Variants in ESR1 observed in about 807,000 individuals in gnomAD.
ESR1 encodes the protein estrogen receptor 1.
A neutral mutation model predicts 52.7 loss-of-function variants in ESR1; 12 were observed. That is an observed-to-expected ratio of 0.23 (90% confidence interval 0.15 to 0.37). ESR1 has a LOEUF of 0.37. ESR1 is among the 10% of genes least tolerant of loss of function. The pLI is 1.00. For missense variants in ESR1, 584 were observed against 779.7 expected (o/e 0.75, Z 2.99); for synonymous variants, 305 against 316.8 (o/e 0.96, Z 0.39).
intron 1 of ESR1, among the ~76,000 whole-genome samples, chr6:151,663,995 G>A (rs1413725372): frequency 8.5e-5 from 13 of 152,094 alleles, no homozygotes; most frequent in Admixed American, 5.9e-4. Context: ...GTTTAAAGAT[G>A]TTCTTTCTAT....
intron 3 of ESR1, among the ~76,000 whole-genome samples, chr6:151,933,467 C>T (rs2033957190): frequency 6.7e-6 from 1 of 149,820 alleles, no homozygotes; most frequent in South Asian, 2.2e-4. Flanking sequence ...GCCTAATTGC[C>T]CTGGCCAGAA....
At chr6:152,049,124 T>G (rs1017283490) in intron 5 of ESR1, among the ~76,000 whole-genome samples, 1 of 152,238 alleles carries the variant, frequency 6.6e-6, no homozygotes, top group Non-Finnish European at 1.5e-5. Context: ...TTAAACTATG[T>G]AAACTGAACA....
At chr6:151,900,528 G>T (rs750119404) in intron 3 of ESR1, among the ~76,000 whole-genome samples, 1 of 152,124 alleles carries the variant, frequency 6.6e-6, no homozygotes, top group African/African-American at 2.4e-5. Context: ...TTGTTTTGTC[G>T]TATTACTGGG....
At chr6:151,771,699 A>T (rs1360925725) in intron 2 of ESR1, among the ~76,000 whole-genome samples, 1 of 152,228 alleles carries the variant, frequency 6.6e-6, no homozygotes, top group Non-Finnish European at 1.5e-5. Flanking sequence ...GATATTTGCT[A>T]AATTATGAAC....
intron 1 of ESR1, chr6:151,809,371 T>C (rs1412702895): frequency 7.3e-6 from 2 of 274,544 alleles, no homozygotes; most frequent in Admixed American, 4.9e-5. Flanking sequence ...CTTTTGTTTT[T>C]TGTTTTTTGT....
intron 1 of ESR1, among the ~76,000 whole-genome samples, chr6:151,825,694 C>T (rs1179404836): frequency 1.3e-5 from 2 of 152,044 alleles, no homozygotes; most frequent in East Asian, 3.9e-4. Flanking sequence ...GGTGGACCAC[C>T]TGAGGTCAGG....
chr6:151,722,525 A>G (rs1467050619), intron 2 of ESR1, among the ~76,000 whole-genome samples: 2 of 152,214 alleles, frequency 1.3e-5, no homozygotes, highest in Non-Finnish European at 2.9e-5. Context: ...TTGGCGTGAA[A>G]GAGGAAGCAA....
intron 3 of ESR1, among the ~76,000 whole-genome samples, chr6:151,929,587 C>T (rs2033279109): frequency 6.6e-6 from 1 of 151,908 alleles, no homozygotes; most frequent in Non-Finnish European, 1.5e-5. Flanking sequence ...AACAAAACTG[C>T]ACATTCTGCA....
At chr6:151,989,106 G>A (rs2040781120) in intron 4 of ESR1, among the ~76,000 whole-genome samples, 1 of 152,126 alleles carries the variant, frequency 6.6e-6, no homozygotes, top group Non-Finnish European at 1.5e-5. Context: ...AGTCTATGTA[G>A]AGAGAGTTAT....
chr6:151,917,859 A>T (rs192264812), intron 3 of ESR1, among the ~76,000 whole-genome samples: 1 of 152,366 alleles, frequency 6.6e-6, no homozygotes, highest in Admixed American at 6.5e-5. Context: ...AGTAAATGAT[A>T]ATTTGCCAAT....
intron 2 of ESR1, among the ~76,000 whole-genome samples, chr6:151,783,564 T>C (rs1307488463): frequency 1.3e-5 from 2 of 152,370 alleles, no homozygotes; most frequent in African/African-American, 4.8e-5. Flanking sequence ...ACATAAAAGA[T>C]ATGTGTATTA....
At chr6:151,678,212 C>G (rs1217013672) in intron 1 of ESR1, among the ~76,000 whole-genome samples, 3 of 152,150 alleles carry the variant, frequency 2.0e-5, no homozygotes, top group Non-Finnish European at 4.4e-5. Context: ...GTGGCTCATG[C>G]CTATAATCCC....
intron 3 of ESR1, among the ~76,000 whole-genome samples, chr6:151,922,753 T>A (rs991387346): frequency 6.6e-6 from 1 of 152,222 alleles, no homozygotes; most frequent in East Asian, 1.9e-4. Context: ...GGTGTACTTG[T>A]TGTTATTGTG....
chr6:151,745,338 G>C (rs1048515707), intron 2 of ESR1, among the ~76,000 whole-genome samples: 2 of 152,048 alleles, frequency 1.3e-5, no homozygotes, highest in African/African-American at 4.8e-5. Flanking sequence ...GGCTTTGGTT[G>C]CTTACTGTGG....
chr6:151,668,494 A>G (rs939807926), intron 1 of ESR1, among the ~76,000 whole-genome samples: 1 of 152,158 alleles, frequency 6.6e-6, no homozygotes, highest in Non-Finnish European at 1.5e-5. Context: ...CGTGTTAGCC[A>G]GGATGGTCTT....
chr6:151,764,006 A>T (rs1784852199), intron 2 of ESR1, among the ~76,000 whole-genome samples: 1 of 152,110 alleles, frequency 6.6e-6, no homozygotes, highest in African/African-American at 2.4e-5. Context: ...GAAGGAGGTT[A>T]AAGTCAGCAG....
intron 2 of ESR1, among the ~76,000 whole-genome samples, chr6:151,703,885 A>G (rs1350833806): frequency 6.6e-6 from 1 of 152,178 alleles, no homozygotes; most frequent in Non-Finnish European, 1.5e-5. Flanking sequence ...TGTTGCTGAG[A>G]TTTTGAAAGA....
intron 1 of ESR1, among the ~76,000 whole-genome samples, chr6:151,662,801 G>A (rs1307091857): frequency 6.6e-6 from 1 of 152,182 alleles, no homozygotes; most frequent in Non-Finnish European, 1.5e-5. Flanking sequence ...AGTTTTCGAA[G>A]TCTTTAGCAT....
intron 4 of ESR1, among the ~76,000 whole-genome samples, chr6:151,995,927 G>T (rs142919036): frequency 2.1e-3 from 322 of 152,290 alleles, no homozygotes; most frequent in African/African-American, 7.4e-3. Context: ...AGAAGCTGAG[G>T]CCTGGAGAAG....
Sources: gnomAD v4.1 joint callset for allele counts (sites outside exome capture counted in the v4.1 genomes callset) on GRCh38, gnomAD v4.1.1 for gene constraint, MANE v1.5 for transcripts, NCBI Gene and HGNC (gene_info 2026-07-23, HGNC 2026-07-21) for gene names.